The following APBB2 variants were observed in gnomAD, a reference collection of about 807,000 sequenced individuals.
APBB2 encodes the protein amyloid beta precursor protein binding family B member 2, also known as Fe65-like 1.
In APBB2, 38 loss-of-function variants were observed where a neutral mutation model predicts 82.5. That is an observed-to-expected ratio of 0.46 (90% CI 0.36 to 0.60). APBB2 has a LOEUF of 0.60. Among genes scored for constraint, APBB2 ranks in the 20% least tolerant of loss-of-function variants. APBB2 has a pLI of 0.00. For missense variants in APBB2, 772 were observed against 972.3 expected, an observed-to-expected ratio of 0.79 and a Z score of 2.74; for synonymous variants, 341 against 368.2, an observed-to-expected ratio of 0.93 and a Z score of 0.85.
At chr4:41,037,559 G>T (rs1719710179) in intron 4 of APBB2, among the ~76,000 whole-genome samples, 2 of 152,142 alleles carry the variant, frequency 1.3e-5, no homozygotes, top group Non-Finnish European at 2.9e-5. Context: ...GTACAGGGTA[G>T]TCCTAAGGAC....
At chr4:41,188,091 A>G (rs16852895) in intron 1 of APBB2, among the ~76,000 whole-genome samples, 7,907 of 152,268 alleles carry the variant, frequency 0.052, 470 homozygotes, top group African/African-American at 0.14. Flanking sequence ...AAACTGTGAT[A>G]GGTGCTTTTA....
chr4:41,087,285 T>C (rs1740109786), intron 3 of APBB2, among the ~76,000 whole-genome samples: 2 of 152,222 alleles, frequency 1.3e-5, no homozygotes, highest in Admixed American at 6.5e-5. Flanking sequence ...ATGTTTTCTG[T>C]AGAAACGGAA....
At position 40,880,303 on chromosome 4, in the gene APBB2, A is replaced by C. The variant is rs1005091064; in HGVS notation, c.1529+10061T>G. The C allele has an allele frequency of 1.6e-5, 16 of 985,294 alleles. No homozygotes were observed. In the African/African-American group the frequency reaches 2.8e-4, roughly 17 times the overall value. 61.0% of individuals were successfully genotyped at this position (985,294 alleles called of 1,614,324 possible). A position where few individuals can be genotyped will look rare whatever the true frequency, so the allele number is the denominator to read the frequency against. ...TGATGTTCTCAAATTCTTCTTTCCCAGTGACGAACTGTGCTGCACTAAATT... is the reference window on the plus strand; with the variant it reads ...TGATGTTCTCAAATTCTTCTTTCCCCGTGACGAACTGTGCTGCACTAAATT... On this transcript the variant is annotated intron_variant, in intron 12 of 17. Transcript: ENST00000508593.
At position 41,059,301 on chromosome 4, in the gene APBB2, A is replaced by G. The variant is rs1010728033; in HGVS notation, c.-51+6275T>C. 1.3e-4 allele frequency among the ~76,000 whole-genome samples: 20 copies of G among 152,358 alleles called. No individual in the cohort carries two copies. The Middle Eastern group carries it at 0.01, about 78-fold the overall frequency. On this transcript the variant is annotated intron_variant, in intron 4 of 17. Coordinates refer to ENST00000508593, the MANE Select transcript of APBB2 (RefSeq NM_004307.2). ...CATGGTGAAAACCCATCTCTACTAA[A>G]AATACAAAAATTAGCCAGGCATGGT...
chr4:40,982,227 AAAGAAAGAAAG>A (rs1560445298), intron 6 of APBB2, among the ~76,000 whole-genome samples: 53 of 3,926 alleles, frequency 0.013, 1 homozygote, highest in Non-Finnish European at 0.023. Flanking sequence ...GAAAGGAAAG[AAAGAAAGAAAG>A]AAAGAAAGAA....
At chr4:40,893,172 C>T (rs1772548393) in intron 11 of APBB2, 93 bp downstream of exon 11, 2 of 1,454,500 alleles carry the variant, frequency 1.4e-6, no homozygotes, top group Admixed American at 4.3e-5. Flanking sequence ...CACCTCGGAG[C>T]CCCTCAGTAC....
At position 40,811,606 on chromosome 4, in the gene APBB2, T is replaced by C. The variant is rs1744426050; in HGVS notation, c.*4486A>G. ...AAGGAGAATATTGATTCCACTGACA[T>C]GTTTCATTTGGCATTTTACATTCTT... is the stretch of plus-strand genomic sequence containing the variant. On this transcript the variant is annotated 3_prime_UTR_variant, in exon 18 of 18. Transcript: ENST00000508593. 1 of 151,938 alleles carries C rather than the reference T, an allele frequency of 6.6e-6. No individual in the cohort carries two copies. Among genetic ancestry groups the C allele is most frequent in the African/African-American group, 2.4e-5 (1 of 41,338 alleles). The allele number at this position is 151,938 out of a possible 1,614,324, so 9.4% of individuals were successfully genotyped here.
chr4:40,881,141 C>A, intron 12 of APBB2: 1 of 985,406 alleles, frequency 1.0e-6, no homozygotes, highest in Non-Finnish European at 1.2e-6. Context: ...GCAAAACGGT[C>A]AAGTAAATCG....
At chr4:41,051,796 G>A (rs1726054308) in intron 4 of APBB2, among the ~76,000 whole-genome samples, 1 of 152,148 alleles carries the variant, frequency 6.6e-6, no homozygotes, top group Non-Finnish European at 1.5e-5. Context: ...CACGCTCCAA[G>A]CTATCAACAG....
chr4:41,212,932 A>G (rs553670693), intron 1 of APBB2, among the ~76,000 whole-genome samples: 1 of 152,344 alleles, frequency 6.6e-6, no homozygotes, highest in African/African-American at 2.4e-5. Context: ...TACAAGCTAC[A>G]AGTTGAAAAC....
chr4:40,978,392 GC>G (rs549189633), intron 6 of APBB2, among the ~76,000 whole-genome samples: 94 of 152,256 alleles, frequency 6.2e-4, no homozygotes, highest in African/African-American at 2.1e-3. Context: ...CAAGACAAAT[GC>G]ATCTACCCAC....
chr4:40,991,414 C>G (rs191272882), intron 6 of APBB2, among the ~76,000 whole-genome samples: 1 of 152,008 alleles, frequency 6.6e-6, no homozygotes, highest in Non-Finnish European at 1.5e-5. Context: ...ACACCCCTTA[C>G]GATAACCTAT....
At chr4:40,972,959 T>G (rs1796314169) in intron 6 of APBB2, among the ~76,000 whole-genome samples, 1 of 152,228 alleles carries the variant, frequency 6.6e-6, no homozygotes. Context: ...TTTCTAGATA[T>G]TTTATATCCT....
At chr4:40,850,284 C>A (rs777913718) in intron 12 of APBB2, among the ~76,000 whole-genome samples, 1 of 152,046 alleles carries the variant, frequency 6.6e-6, no homozygotes, top group Non-Finnish European at 1.5e-5. Context: ...CTTTGTAACA[C>A]CCTATTATTA....
intron 4 of APBB2, among the ~76,000 whole-genome samples, chr4:41,049,061 T>C (rs918213786): frequency 4.6e-5 from 7 of 151,998 alleles, no homozygotes; most frequent in African/African-American, 1.7e-4. Flanking sequence ...AGTGCCGAGA[T>C]TGCAGCCTCT....
intron 4 of APBB2, among the ~76,000 whole-genome samples, chr4:41,051,560 A>C (rs1247317346): frequency 6.6e-6 from 1 of 152,188 alleles, no homozygotes; most frequent in Non-Finnish European, 1.5e-5. Flanking sequence ...TCCTTGCCCC[A>C]TGACCAGTCA....
At chr4:41,100,914 A>T (rs930864735) in intron 2 of APBB2, among the ~76,000 whole-genome samples, 164 bp from the exon 3 acceptor site, 1 of 152,236 alleles carries the variant, frequency 6.6e-6, no homozygotes, top group Admixed American at 6.5e-5. Context: ...TTCATAATAT[A>T]CTAACAAGGC....
chr4:40,918,362 G>A (rs1780351803), intron 10 of APBB2, among the ~76,000 whole-genome samples: 1 of 152,224 alleles, frequency 6.6e-6, no homozygotes, highest in African/African-American at 2.4e-5. Context: ...ACATGCTTGA[G>A]TGCCACTGGG....
At chr4:40,820,346 C>CT (rs1560601131) in intron 17 of APBB2, among the ~76,000 whole-genome samples, 1 of 152,136 alleles carries the variant, frequency 6.6e-6, no homozygotes, top group African/African-American at 2.4e-5. Flanking sequence ...TGGTTGTCTT[C>CT]TTTTTTTGCT....
Sources: gnomAD v4.1 joint callset for allele counts (sites outside exome capture counted in the v4.1 genomes callset) on GRCh38, gnomAD v4.1.1 for gene constraint, MANE v1.5 for transcripts, NCBI Gene and HGNC (gene_info 2026-07-23, HGNC 2026-07-21) for gene names.